Variants in MS4A4E observed in about 807,000 individuals in gnomAD.
MS4A4E encodes the protein putative membrane-spanning 4-domains subfamily A member 4E.
Under a neutral mutation model 13.3 loss-of-function variants are expected in MS4A4E, and 23 were observed. The observed-to-expected ratio is 1.73, with a 90% CI of 1.25 to 2.45. MS4A4E has a LOEUF of 2.45. Ranked by LOEUF, MS4A4E falls within the 30% of genes most tolerant of loss-of-function variation. The probability of loss-of-function intolerance (pLI) is 0.00; values close to 1 mark genes in which losing one functional copy is unlikely to be tolerated. For synonymous variants in MS4A4E, 36 were observed against 45.6 expected (o/e 0.79, Z 0.85); for missense variants, 144 against 131.2 (o/e 1.10, Z -0.48).
At chr11:60,239,060 C>A (rs925096066) in intron 1 of MS4A4E, among the ~76,000 whole-genome samples, 8 of 152,322 alleles carry the variant, frequency 5.3e-5, no homozygotes, top group Admixed American at 3.3e-4. Context: ...AAATGTCCAA[C>A]AACTGAGGAA....
intron 4 of MS4A4E, chr11:60,213,372 G>C (rs1476910140): frequency 7.0e-7 from 1 of 1,428,802 alleles, no homozygotes; most frequent in Non-Finnish European, 9.5e-7. Flanking sequence ...ATTTATCAGG[G>C]TTTTCAATGA....
chr11:60,239,855 T>C (rs541000902), intron 1 of MS4A4E, among the ~76,000 whole-genome samples: 2 of 152,372 alleles, frequency 1.3e-5, no homozygotes, highest in South Asian at 4.1e-4. Context: ...GCAGGCCTTA[T>C]TTTTGGTCTT....
intron 6 of MS4A4E, among the ~76,000 whole-genome samples, chr11:60,206,512 T>TATGTATATATATACAC (rs141037502): frequency 1.2e-4 from 12 of 98,352 alleles, no homozygotes; most frequent in South Asian, 3.5e-4. Context: ...TATATATATA[T>TATGTATATATATACAC]ACACACACAC....
intron 5 of MS4A4E, chr11:60,209,106 T>C: frequency 6.6e-6 from 1 of 152,174 alleles, no homozygotes; most frequent in East Asian, 1.9e-4. Context: ...CCTAGTCCCC[T>C]AATCCTCAGC....
Position 60,204,865 on chromosome 11 carries a change from T to G in MS4A4E, c.659+25A>C, listed in dbSNP as rs181881277. 3.4e-4 allele frequency among the ~76,000 whole-genome samples: 52 copies of G among 152,302 alleles called. No individual in the cohort carries two copies. The South Asian group carries it at 0.011, about 32-fold the overall frequency. On this transcript the variant is annotated intron_variant, in intron 8 of 8. Coordinates refer to ENST00000651255, the MANE Select transcript of MS4A4E (RefSeq NM_001393391.1). ...ATAGTAAGCAACAGTATTAAGGTTC[T>G]ATTTGGTGGTTCTTGCTAGATTACC...
At chr11:60,215,626 A>C (rs1197749786) in intron 3 of MS4A4E, among the ~76,000 whole-genome samples, 1 of 151,904 alleles carries the variant, frequency 6.6e-6, no homozygotes, top group Non-Finnish European at 1.5e-5. Context: ...TGATTAAAAA[A>C]AAAGTAGGAC....
chr11:60,209,802 G>A (rs2084096507), intron 5 of MS4A4E, among the ~76,000 whole-genome samples: 1 of 152,146 alleles, frequency 6.6e-6, no homozygotes. Context: ...CCATGGTTAG[G>A]GATAGTCCCT....
intron 3 of MS4A4E, among the ~76,000 whole-genome samples, chr11:60,223,992 A>C (rs2084310447): frequency 6.6e-6 from 1 of 152,188 alleles, no homozygotes; most frequent in Admixed American, 6.5e-5. Flanking sequence ...TACACGAGTG[A>C]AGGGGAGCAA....
chr11:60,229,563 T>G (rs549689975), intron 2 of MS4A4E, among the ~76,000 whole-genome samples: 1 of 152,194 alleles, frequency 6.6e-6, no homozygotes, highest in Non-Finnish European at 1.5e-5. Context: ...AGTAGCAATA[T>G]ACATCTATCA....
chr11:60,207,086 C>T (rs2084057374), intron 6 of MS4A4E, among the ~76,000 whole-genome samples: 1 of 152,152 alleles, frequency 6.6e-6, no homozygotes, highest in Non-Finnish European at 1.5e-5. Context: ...ATGACATCAA[C>T]ATACCCAAAT....
intron 3 of MS4A4E, among the ~76,000 whole-genome samples, chr11:60,227,048 A>G (rs147332530): frequency 0.019 from 2,872 of 152,308 alleles, 46 homozygotes; most frequent in Non-Finnish European, 0.028. Context: ...AACCCTAAAA[A>G]TTAAATATTT....
intron 3 of MS4A4E, among the ~76,000 whole-genome samples, chr11:60,216,816 G>A (rs112486680): frequency 1.5e-4 from 23 of 152,032 alleles, no homozygotes; most frequent in Non-Finnish European, 2.8e-4. Flanking sequence ...CCCATCCTCA[G>A]TCAATCAGCT....
intron 3 of MS4A4E, among the ~76,000 whole-genome samples, chr11:60,217,661 T>G (rs995405899): frequency 5.9e-5 from 9 of 152,222 alleles, no homozygotes; most frequent in African/African-American, 1.4e-4. Context: ...ACTTTTATAA[T>G]TTCTTATGCC....
At chr11:60,239,328 T>C (rs2084520798) in intron 1 of MS4A4E, among the ~76,000 whole-genome samples, 1 of 152,192 alleles carries the variant, frequency 6.6e-6, no homozygotes, top group Admixed American at 6.5e-5. Flanking sequence ...ACTAACTACC[T>C]ATTGACTATT....
At chr11:60,214,178 T>G (rs2084160910) in intron 4 of MS4A4E, among the ~76,000 whole-genome samples, 1 of 152,162 alleles carries the variant, frequency 6.6e-6, no homozygotes, top group Admixed American at 6.5e-5. Context: ...AGTCTTAGGA[T>G]TACAGGCATG....
At chr11:60,238,668 C>G (rs2084513201) in intron 1 of MS4A4E, among the ~76,000 whole-genome samples, 1 of 152,126 alleles carries the variant, frequency 6.6e-6, no homozygotes, top group Non-Finnish European at 1.5e-5. Context: ...TATTTTCACT[C>G]TAGTCTTTAT....
chr11:60,229,135 A>T (rs1022977653), intron 2 of MS4A4E, among the ~76,000 whole-genome samples: 3 of 152,254 alleles, frequency 2.0e-5, no homozygotes, highest in Non-Finnish European at 4.4e-5. Context: ...TGTCGGGGCA[A>T]GGGGCATATG....
chr11:60,236,732 G>A (rs1158766934), intron 1 of MS4A4E, among the ~76,000 whole-genome samples: 1 of 151,032 alleles, frequency 6.6e-6, no homozygotes, highest in Non-Finnish European at 1.5e-5. Context: ...TTATCATCCA[G>A]GTTTTTTTTT....
chr11:60,212,184 T>C (rs1046212649), intron 5 of MS4A4E, among the ~76,000 whole-genome samples: 1 of 152,140 alleles, frequency 6.6e-6, no homozygotes, highest in Non-Finnish European at 1.5e-5. Flanking sequence ...AGGTGCCACA[T>C]GTTGAGGATA....
Sources: allele counts gnomAD v4.1 joint callset (sites outside exome capture counted in the v4.1 genomes callset), GRCh38; gene constraint gnomAD v4.1.1; transcripts MANE v1.5; gene names NCBI Gene and HGNC (gene_info 2026-07-23, HGNC 2026-07-21).